TLN2: variants seen among roughly 807,000 people sequenced by gnomAD.
TLN2 encodes talin 2.
A neutral mutation model predicts 294.7 loss-of-function variants in TLN2; 118 were observed. The observed-to-expected ratio is 0.40, with a 90% CI of 0.34 to 0.47. TLN2 has a LOEUF of 0.47. Among genes scored for constraint, TLN2 ranks in the 20% least tolerant of loss-of-function variants. The pLI is 0.84. For missense variants in TLN2, 3,083 were observed against 3,282.2 expected (o/e 0.94, Z 1.48); for synonymous variants, 1,431 against 1,304.5 (o/e 1.10, Z -2.09).
At chr15:62,499,522 G>T (rs534105555) in intron 1 of TLN2, among the ~76,000 whole-genome samples, 2 of 152,304 alleles carry the variant, frequency 1.3e-5, no homozygotes, top group African/African-American at 2.4e-5. Context: ...TTTTAAAACT[G>T]AGGGGAAAGG....
At chr15:62,656,855 A>G (rs1317887924) in intron 8 of TLN2, among the ~76,000 whole-genome samples, 2 of 152,330 alleles carry the variant, frequency 1.3e-5, no homozygotes, top group Non-Finnish European at 2.9e-5. Context: ...ATTGTTACAC[A>G]TATCTTCTGT....
In TLN2 at chr15:62,531,274, T is replaced by G. The variant is rs533720719; in HGVS notation, c.-237-58413T>G. The stretch of plus-strand genomic sequence containing the variant: ...AAGAAATTTGTCATTTGCAGCAACT[T>G]GGGTAGAATTGGAGAACATTATGTT... On this transcript the variant is annotated intron_variant, in intron 1 of 58. Coordinates refer to ENST00000636159, the MANE Select transcript of TLN2 (RefSeq NM_015059.3). Among the ~76,000 whole-genome samples, 12 of 152,272 alleles carry G rather than the reference T, an allele frequency of 7.9e-5. No homozygotes were observed. In the South Asian group the frequency reaches 2.5e-3, roughly 32 times the overall value.
At chr15:62,516,880 T>C (rs1406062654) in intron 1 of TLN2, among the ~76,000 whole-genome samples, 2 of 152,232 alleles carry the variant, frequency 1.3e-5, no homozygotes, top group Non-Finnish European at 2.9e-5. Flanking sequence ...TAGGTATTGA[T>C]AAACTTGGTC....
chr15:62,576,465 T>G (rs918303701), intron 1 of TLN2, among the ~76,000 whole-genome samples: 1 of 152,100 alleles, frequency 6.6e-6, no homozygotes, highest in Non-Finnish European at 1.5e-5. Context: ...AGGTTATTTT[T>G]TAGCAGGTGA....
At chr15:62,583,390 C>T (rs1277247045) in intron 1 of TLN2, among the ~76,000 whole-genome samples, 1 of 152,148 alleles carries the variant, frequency 6.6e-6, no homozygotes, top group African/African-American at 2.4e-5. Context: ...CTATTGAAAA[C>T]AATTGGCTGT....
intron 9 of TLN2, among the ~76,000 whole-genome samples, chr15:62,673,060 A>G (rs1468752959): frequency 2.7e-5 from 2 of 73,424 alleles, no homozygotes; most frequent in African/African-American, 8.1e-5. Context: ...ATAATGTAAT[A>G]TCCTAATTTA....
rs532261736 is a variant in TLN2 at position 62,772,671 on chromosome 15, T to A, written c.5367+1537T>A. ...GTTTTCTGGATTTATTTATTTATTTTTTTTTTTTGAGACAGAGTTTTGCTC... is the reference window on the plus strand; with the variant it reads ...GTTTTCTGGATTTATTTATTTATTTATTTTTTTTGAGACAGAGTTTTGCTC... On this transcript the variant is annotated intron_variant, in intron 42 of 58. Transcript: ENST00000636159. Among the ~76,000 whole-genome samples the A allele has an allele frequency of 4.5e-3, 678 of 151,892 alleles. 5 individuals are homozygous for A. Among genetic ancestry groups the A allele is most frequent in the African/African-American group, 0.015 (617 of 41,484 alleles).
chr15:62,447,527 C>G (rs1408414653), intron 1 of TLN2, among the ~76,000 whole-genome samples: 1 of 149,284 alleles, frequency 6.7e-6, no homozygotes, highest in Non-Finnish European at 1.5e-5. Context: ...TGGAGTCTCG[C>G]TCTGTCGCCC....
chr15:62,650,818 G>A (rs1424694226), intron 5 of TLN2, among the ~76,000 whole-genome samples: 2 of 152,132 alleles, frequency 1.3e-5, no homozygotes, highest in African/African-American at 4.8e-5. Flanking sequence ...ATTTGGATAA[G>A]AAATGAATAG....
At chr15:62,526,364 T>C (rs538335287) in intron 1 of TLN2, among the ~76,000 whole-genome samples, 1 of 152,298 alleles carries the variant, frequency 6.6e-6, no homozygotes, top group East Asian at 1.9e-4. Flanking sequence ...TCCTTTCTAA[T>C]GGTAATTAAA....
intron 19 of TLN2, among the ~76,000 whole-genome samples, chr15:62,706,817 C>T (rs1302962988): frequency 6.6e-6 from 1 of 152,142 alleles, no homozygotes; most frequent in African/African-American, 2.4e-5. Context: ...GAATGGGAAT[C>T]AGTGGTTAAA....
At chr15:62,415,069 C>T (rs1377144403) in intron 1 of TLN2, among the ~76,000 whole-genome samples, 1 of 140,468 alleles carries the variant, frequency 7.1e-6, no homozygotes, top group Non-Finnish European at 1.5e-5. Context: ...CCACCATGCC[C>T]TGCCAATTTT....
At chr15:62,840,428 C>T (rs780153613) in intron 58 of TLN2, 54 bp from the exon 59 acceptor site, 117 of 1,603,542 alleles carry the variant, frequency 7.3e-5, no homozygotes, top group Non-Finnish European at 9.3e-5. Flanking sequence ...TGGGGTGGGT[C>T]GGAGGGTTTT....
chr15:62,717,806 G>A, intron 24 of TLN2, 117 bp downstream of exon 24: 2 of 723,614 alleles, frequency 2.8e-6, no homozygotes, highest in South Asian at 5.8e-5. Context: ...AATCCAATTT[G>A]CCCCAGTTCC....
chr15:62,645,089 C>T (rs2051668931), intron 3 of TLN2: 1 of 158,502 alleles, frequency 6.3e-6, no homozygotes, highest in Non-Finnish European at 1.4e-5. Context: ...AGGAGACAGA[C>T]TAGCCCACGG....
At chr15:62,504,867 G>A (rs1349458783) in intron 1 of TLN2, among the ~76,000 whole-genome samples, 1 of 151,768 alleles carries the variant, frequency 6.6e-6, no homozygotes, top group African/African-American at 2.4e-5. Context: ...GAGAGAGAGA[G>A]AGAGGGAGAC....
intron 1 of TLN2, among the ~76,000 whole-genome samples, chr15:62,518,762 T>G (rs892338542): frequency 2.6e-5 from 4 of 152,004 alleles, no homozygotes; most frequent in African/African-American, 9.7e-5. Context: ...CACACCCGGC[T>G]AATTTTTGTA....
chr15:62,719,421 G>A (rs2059985395), intron 24 of TLN2, among the ~76,000 whole-genome samples: 1 of 152,164 alleles, frequency 6.6e-6, no homozygotes, highest in African/African-American at 2.4e-5. Context: ...CCTGTGAATC[G>A]TGTAGATCCT....
intron 11 of TLN2, among the ~76,000 whole-genome samples, chr15:62,680,401 T>A (rs953985425): frequency 6.6e-6 from 1 of 152,184 alleles, no homozygotes; most frequent in Non-Finnish European, 1.5e-5. Context: ...TCATTTTAAT[T>A]TTCAGGTTTA....
Sources: gnomAD v4.1 joint callset for allele counts (sites outside exome capture counted in the v4.1 genomes callset) on GRCh38, gnomAD v4.1.1 for gene constraint, MANE v1.5 for transcripts, NCBI Gene and HGNC (gene_info 2026-07-23, HGNC 2026-07-21) for gene names.